Variants in TBC1D16 observed in about 807,000 individuals in gnomAD.
The protein encoded by TBC1D16 is CTD-2529O21.1.
In TBC1D16, 58 loss-of-function variants were observed where a neutral mutation model predicts 74.7. The ratio of observed to expected loss-of-function variants is 0.78; its 90% CI spans 0.63 to 0.97. TBC1D16 has a LOEUF of 0.97. TBC1D16 is among the 50% of genes least tolerant of loss of function. The probability of loss-of-function intolerance (pLI) is 0.00; values close to 1 mark genes in which losing one functional copy is unlikely to be tolerated. For synonymous variants in TBC1D16, 493 were observed against 474.7 expected, an observed-to-expected ratio of 1.04 and a Z score of -0.50; for missense variants, 1,014 against 1,079.5, an observed-to-expected ratio of 0.94 and a Z score of 0.85.
Position 79,990,316 on chromosome 17 carries a change from C to T in TBC1D16, c.779+19844G>A, listed in dbSNP as rs2144469071. Among the ~76,000 whole-genome samples the T allele has an allele frequency of 6.6e-6, 1 of 152,340 alleles. No homozygotes were observed. The highest frequency in any genetic ancestry group is 1.9e-4 in the East Asian group (1 of 5,176). On this transcript the variant is annotated intron_variant, in intron 3 of 11. Coordinates refer to ENST00000310924, the MANE Select transcript of TBC1D16 (RefSeq NM_019020.4). The surrounding 1 kb of genome is among the most constrained non-coding windows in gnomAD (Gnocchi z 4.8). ...GGCTCCAGGTGGTGGGAGCCCACGC[C>T]CCCGGCCAGCACTCTGGCCACAGCG...
At chr17:79,969,274 T>C (rs1181193600) in intron 3 of TBC1D16, among the ~76,000 whole-genome samples, 5 of 152,074 alleles carry the variant, frequency 3.3e-5, no homozygotes, top group African/African-American at 7.2e-5. Flanking sequence ...TAATCCCAGC[T>C]ACTCGGGAGG....
chr17:80,030,361 G>A (rs926429855), intron 1 of TBC1D16, among the ~76,000 whole-genome samples: 9 of 152,094 alleles, frequency 5.9e-5, no homozygotes, highest in African/African-American at 2.2e-4. Flanking sequence ...AGAGGAGCAC[G>A]CCTGGGCCCC....
intron 1 of TBC1D16, among the ~76,000 whole-genome samples, chr17:80,021,843 C>T (rs1222526186): frequency 2.0e-5 from 3 of 150,606 alleles, no homozygotes; most frequent in Non-Finnish European, 2.9e-5. Flanking sequence ...CATACCATGA[C>T]ACACCCAGGC....
chr17:79,942,310 G>A (rs539593587), intron 10 of TBC1D16, 104 bp from the exon 11 acceptor site: 27 of 1,294,198 alleles, frequency 2.1e-5, no homozygotes, highest in Non-Finnish European at 2.9e-5. Context: ...TCCAGGGCGA[G>A]GGGTCTGGGC....
rs779276445 is a variant in TBC1D16, at chr17:80,010,638, C to T, written c.301G>A (p.Glu101Lys). 15 of 1,571,118 alleles carry T rather than the reference C, an allele frequency of 9.5e-6. No individual in the cohort carries two copies. Among genetic ancestry groups the T allele is most frequent in the South Asian group, 4.8e-5 (4 of 84,068 alleles). ...GGTGCCTTGCGAACGGGGGAGCTCT[C>T]GGGTGTGATGTAGCGCAGGGCCTCC... ...DEEALRYITP[E>K]SSPVRKAPRP... is the part of the protein sequence containing the mutation. The change falls in exon 3 of 12, where the codon GAG becomes AAG. Residue 101 changes from glutamate (E) to lysine (K), a missense_variant. By Grantham distance (56) the Glu-to-Lys change is moderately conservative. Transcript: ENST00000310924. This position sits in a 1 kb window ranked among gnomAD's most constrained non-coding sequence, Gnocchi z 8.8.
Position 79,987,032 on chromosome 17 carries a change from C to A in TBC1D16, c.779+23128G>T, listed in dbSNP as rs751588354. The stretch of plus-strand genomic sequence containing the variant: ...TGAATTTTGAGGTGGGGCCACAGAA[C>A]CTCCCTTGAGAGCCAGAAGAGATCA... On this transcript the variant is annotated intron_variant, in intron 3 of 11. Transcript: ENST00000310924. This position sits in a 1 kb window ranked among gnomAD's most constrained non-coding sequence, Gnocchi z 5.2. 4.6e-5 allele frequency among the ~76,000 whole-genome samples: 7 copies of A among 152,168 alleles called. No homozygotes were observed. The highest frequency in any genetic ancestry group is 3.9e-4 in the Admixed American group (6 of 15,284).
At chr17:80,032,961 C>A (rs935966287) in intron 1 of TBC1D16, among the ~76,000 whole-genome samples, 3 of 152,132 alleles carry the variant, frequency 2.0e-5, no homozygotes, top group Admixed American at 1.3e-4. Flanking sequence ...AGCTCTGCTC[C>A]CCATAGCATC....
Position 79,971,115 on chromosome 17 carries a change from C to T in TBC1D16, c.780-18297G>A, listed in dbSNP as rs1183212221. Reference sequence around the variant, plus strand: ...TCGGCTCACTGCAACCTCCACCTCTCGGGTTCAAGGCATTCTCCTGCCTCA... The same window carrying T: ...TCGGCTCACTGCAACCTCCACCTCTTGGGTTCAAGGCATTCTCCTGCCTCA... On this transcript the variant is annotated intron_variant, in intron 3 of 11. Transcript: ENST00000310924. The surrounding 1 kb of genome is among the most constrained non-coding windows in gnomAD (Gnocchi z 4.6). Among the ~76,000 whole-genome samples the T allele has an allele frequency of 4.6e-5, 7 of 151,936 alleles. No homozygotes were observed. The highest frequency in any genetic ancestry group is 2.1e-4 in the South Asian group (1 of 4,808).
At position 79,961,912 on chromosome 17, in the gene TBC1D16, A is replaced by G. The variant is rs2033631441; in HGVS notation, c.780-9094T>C. On this transcript the variant is annotated intron_variant, in intron 3 of 11. Transcript: ENST00000310924. This position sits in a 1 kb window ranked among gnomAD's most constrained non-coding sequence, Gnocchi z 4.8. ...AAAATAAAATAGATAAGAACTGAAA[A>G]CAACCCAGGGTTTATCAACAGCCAA... Among the ~76,000 whole-genome samples, 1 of 152,078 alleles carries G rather than the reference A, an allele frequency of 6.6e-6. No homozygotes were observed. Among genetic ancestry groups the G allele is most frequent in the Non-Finnish European group, 1.5e-5 (1 of 68,010 alleles).
intron 1 of TBC1D16, among the ~76,000 whole-genome samples, chr17:80,015,451 A>T (rs1299529711): frequency 1.3e-5 from 2 of 151,696 alleles, no homozygotes; most frequent in Non-Finnish European, 2.9e-5. Flanking sequence ...TAAAATAAAT[A>T]AAAAAAATAA....
chr17:80,015,103 C>G (rs2036038808), intron 1 of TBC1D16, among the ~76,000 whole-genome samples: 1 of 152,126 alleles, frequency 6.6e-6, no homozygotes. Flanking sequence ...AACACACACA[C>G]CAAGCCACGC....
chr17:80,017,646 A>G (rs1359399796), intron 1 of TBC1D16, among the ~76,000 whole-genome samples: 1 of 136,834 alleles, frequency 7.3e-6, no homozygotes, highest in Non-Finnish European at 1.5e-5. Context: ...GCTCCATTGC[A>G]CTCCAGCCTG....
intron 3 of TBC1D16, among the ~76,000 whole-genome samples, chr17:79,974,747 G>A (rs1288009471): frequency 1.3e-5 from 2 of 152,198 alleles, no homozygotes; most frequent in African/African-American, 4.8e-5. Context: ...CACCCACACA[G>A]TAGGGCTAGC....
At chr17:79,977,906 G>C (rs770438784) in intron 3 of TBC1D16, among the ~76,000 whole-genome samples, 2 of 152,348 alleles carry the variant, frequency 1.3e-5, no homozygotes, top group Non-Finnish European at 2.9e-5. Context: ...ATAAAGCCTC[G>C]GCGACTGCGG....
At chr17:79,973,963 T>C (rs2034224144) in intron 3 of TBC1D16, among the ~76,000 whole-genome samples, 1 of 152,226 alleles carries the variant, frequency 6.6e-6, no homozygotes, top group South Asian at 2.1e-4. Context: ...CTTTCCTTAT[T>C]CAGTTGAGAA....
At chr17:79,955,052 G>A (rs960440973) in intron 3 of TBC1D16, among the ~76,000 whole-genome samples, 29 of 152,220 alleles carry the variant, frequency 1.9e-4, no homozygotes, top group Admixed American at 1.4e-3. Flanking sequence ...AGGACACAGG[G>A]GCCACCACAC....
In TBC1D16 at chr17:79,942,064, C is replaced by T. The variant is rs141943473; in HGVS notation, c.2051G>A (p.Arg684Gln). Residue 684 changes from arginine (R) to glutamine (Q), a missense_variant, in exon 11 of 12, where the codon CGG (arginine) becomes CAG (glutamine). Arg to Gln is a conservative substitution (Grantham distance 43, BLOSUM62 1). Coordinates refer to ENST00000310924, the MANE Select transcript of TBC1D16 (RefSeq NM_019020.4). ...AMHMNGELVL[R>Q]KARSLLYQFR... ...CCACATCTGGGGCAGCCTCACCTTC[C>T]GGAGAACGAGCTCCCCGTTCATGTG... 269 of 1,610,480 alleles carry T rather than the reference C, an allele frequency of 1.7e-4. 2 individuals carry two copies. The highest frequency in any genetic ancestry group is 6.9e-4 in the Middle Eastern group (4 of 5,776).
intron 1 of TBC1D16, among the ~76,000 whole-genome samples, chr17:80,013,870 T>C (rs2035996009): frequency 6.6e-6 from 1 of 152,010 alleles, no homozygotes; most frequent in Non-Finnish European, 1.5e-5. Context: ...CTAGAACATC[T>C]CCAGGCTTTG....
chr17:79,942,067 A>C lies in TBC1D16; in HGVS notation c.2048T>G (p.Leu683Arg). Residue 683 changes from leucine (L) to arginine (R), a missense_variant, in exon 11 of 12, where the codon CTC becomes CGC. By Grantham distance (102) the Leu-to-Arg change is moderately radical (BLOSUM62 -2). Transcript: ENST00000310924. Reference protein sequence around the residue: ...LAMHMNGELVLRKARSLLYQF... With the variant: ...LAMHMNGELVRRKARSLLYQF... ...CATCTGGGGCAGCCTCACCTTCCGG[A>C]GAACGAGCTCCCCGTTCATGTGCAT... The C allele has an allele frequency of 6.2e-7, 1 of 1,611,128 alleles. No homozygotes were observed. The highest frequency in any genetic ancestry group is 8.5e-7 in the Non-Finnish European group (1 of 1,179,484).
Sources: gnomAD v4.1 joint callset for allele counts (sites outside exome capture counted in the v4.1 genomes callset) on GRCh38, gnomAD v4.1.1 for gene constraint, Gnocchi (gnomAD v3.1) non-coding constraint, MANE v1.5 for transcripts, NCBI Gene and HGNC (gene_info 2026-07-23, HGNC 2026-07-21) for gene names.